MCTP2: variants seen among roughly 807,000 people sequenced by gnomAD.
MCTP2 encodes multiple C2 and transmembrane domain-containing protein 2.
A neutral mutation model predicts 111.6 loss-of-function variants in MCTP2; 132 were observed. That is an observed-to-expected ratio of 1.18 (90% CI 1.03 to 1.37). The LOEUF (loss-of-function observed/expected upper bound fraction) is 1.37, where lower values mean the gene tolerates loss of function less well. Ranked by LOEUF, MCTP2 falls within the 40% of genes most tolerant of loss-of-function variation. MCTP2 has a pLI of 0.00. For missense variants in MCTP2, 1,183 were observed against 1,067.9 expected, an observed-to-expected ratio of 1.11 and a Z score of -1.50; for synonymous variants, 395 against 387.7, an observed-to-expected ratio of 1.02 and a Z score of -0.22.
At chr15:94,356,561 T>G (rs2078637503) in intron 9 of MCTP2, among the ~76,000 whole-genome samples, 1 of 152,186 alleles carries the variant, frequency 6.6e-6, no homozygotes, top group Non-Finnish European at 1.5e-5. Flanking sequence ...GTCTGACTTA[T>G]TTTCAATTTG....
chr15:94,328,336 G>A (rs1055180337), intron 4 of MCTP2, among the ~76,000 whole-genome samples: 6 of 151,858 alleles, frequency 4.0e-5, no homozygotes, highest in Non-Finnish European at 5.9e-5. Context: ...CACTGTGTTA[G>A]CCAGGATGGT....
chr15:94,419,112 A>C (rs1218448838), intron 17 of MCTP2, among the ~76,000 whole-genome samples: 2 of 152,150 alleles, frequency 1.3e-5, no homozygotes, highest in Non-Finnish European at 2.9e-5. Context: ...AAAAGCGAGA[A>C]ACATATAATC....
At chr15:94,245,276 G>GTATATATACATATGTATGTA (rs1274633755) in intron 1 of MCTP2, among the ~76,000 whole-genome samples, 28 of 129,948 alleles carry the variant, frequency 2.2e-4, no homozygotes, top group Admixed American at 1.0e-3. Context: ...GTGTATATAC[G>GTATATATACATATGTATGTA]TATATACACA....
intron 18 of MCTP2, among the ~76,000 whole-genome samples, chr15:94,440,655 G>A (rs1400113620): frequency 6.6e-6 from 1 of 152,170 alleles, no homozygotes; most frequent in African/African-American, 2.4e-5. Context: ...CCATTGCTGG[G>A]CATGCAGAGA....
intron 21 of MCTP2, among the ~76,000 whole-genome samples, chr15:94,473,282 A>G (rs1030998115): frequency 1.3e-5 from 2 of 152,180 alleles, no homozygotes; most frequent in African/African-American, 4.8e-5. Flanking sequence ...GTGCAGCCAC[A>G]TTTATGTAAG....
intron 4 of MCTP2, among the ~76,000 whole-genome samples, chr15:94,332,508 T>C (rs1251034222): frequency 6.6e-6 from 1 of 152,248 alleles, no homozygotes; most frequent in Non-Finnish European, 1.5e-5. Context: ...ATTGGGGTTT[T>C]ATATATGTAG....
At chr15:94,408,786 A>G (rs1172317905) in intron 17 of MCTP2, among the ~76,000 whole-genome samples, 2 of 152,240 alleles carry the variant, frequency 1.3e-5, no homozygotes, top group African/African-American at 2.4e-5. Flanking sequence ...CTTTTGGAGC[A>G]TTCCAATTTT....
At chr15:94,241,657 T>TA (rs962743049) in intron 1 of MCTP2, among the ~76,000 whole-genome samples, 2 of 151,874 alleles carry the variant, frequency 1.3e-5, no homozygotes, top group African/African-American at 4.8e-5. Flanking sequence ...GATATATATA[T>TA]TTTTTTTCTG....
chr15:94,390,063 T>TAC (rs2080796834), intron 14 of MCTP2, among the ~76,000 whole-genome samples: 9 of 9,304 alleles, frequency 9.7e-4, no homozygotes, highest in South Asian at 4.5e-3. Context: ...TATATATATA[T>TAC]ATATATATAT....
At chr15:94,293,761 C>T (rs1032866327) in intron 1 of MCTP2, among the ~76,000 whole-genome samples, 4 of 152,122 alleles carry the variant, frequency 2.6e-5, no homozygotes, top group Admixed American at 6.5e-5. Context: ...TAATTGTTGG[C>T]GGGAATGCAA....
At chr15:94,390,058 A>ACGTG (rs1397178018) in intron 14 of MCTP2, among the ~76,000 whole-genome samples, 18 of 22,904 alleles carry the variant, frequency 7.9e-4, no homozygotes, top group Non-Finnish European at 1.5e-3. Flanking sequence ...GCATATATAT[A>ACGTG]TATATATATA....
At chr15:94,245,229 T>C (rs1355193261) in intron 1 of MCTP2, among the ~76,000 whole-genome samples, 3 of 143,870 alleles carry the variant, frequency 2.1e-5, no homozygotes, top group Non-Finnish European at 4.6e-5. Context: ...TATATATACA[T>C]ATGTATGTAT....
chr15:94,347,443 A>G (rs1019935948), intron 8 of MCTP2, among the ~76,000 whole-genome samples: 1 of 152,224 alleles, frequency 6.6e-6, no homozygotes, highest in Admixed American at 6.5e-5. Flanking sequence ...TAATAACTTT[A>G]TTCAGATAAT....
In MCTP2 at chr15:94,353,032, T is replaced by C. The variant is rs1248879517; in HGVS notation, c.1006-3105T>C. On this transcript the variant is annotated intron_variant, in intron 8 of 22. Coordinates refer to ENST00000357742, the MANE Select transcript of MCTP2 (RefSeq NM_001385001.1). Reference sequence around the variant, plus strand: ...GCAGAAATATTTGGGGTATAATAAGTAGAATAAAGGTCTTGTGTTCTTTTC... The same window carrying C: ...GCAGAAATATTTGGGGTATAATAAGCAGAATAAAGGTCTTGTGTTCTTTTC... 3.9e-5 allele frequency among the ~76,000 whole-genome samples: 6 copies of C among 152,286 alleles called. No individual in the cohort carries two copies. In the South Asian group the frequency reaches 6.2e-4, roughly 16 times the overall value.
intron 17 of MCTP2, chr15:94,403,198 C>G (rs931113365): frequency 1.0e-6 from 1 of 984,918 alleles, no homozygotes; most frequent in African/African-American, 1.8e-5. Flanking sequence ...TATACTTTTT[C>G]TGCTGTCTGA....
rs1390420077 is a variant in MCTP2 at position 94,367,594 on chromosome 15, A to G, written c.1302-11A>G. The stretch of plus-strand genomic sequence containing the variant: ...CACTTTTCTCTCTCTTGATTCCTGA[A>G]ACTTTTCTAGGTGTAAAGTGGATAT... On this transcript the variant is annotated splice_polypyrimidine_tract_variant and intron_variant, in intron 10 of 22. Transcript: ENST00000357742. The G allele has an allele frequency of 5.6e-6, 9 of 1,601,334 alleles. No individual in the cohort carries two copies. The Admixed American group carries it at 1.6e-4, about 28-fold the overall frequency.
intron 17 of MCTP2, among the ~76,000 whole-genome samples, chr15:94,431,801 A>C (rs550596789): frequency 2.0e-5 from 3 of 152,150 alleles, no homozygotes; most frequent in Non-Finnish European, 4.4e-5. Flanking sequence ...ATTATGCCCT[A>C]TACAATAGGA....
At chr15:94,354,387 T>C (rs944068335) in intron 8 of MCTP2, among the ~76,000 whole-genome samples, 4 of 152,208 alleles carry the variant, frequency 2.6e-5, no homozygotes, top group Non-Finnish European at 4.4e-5. Flanking sequence ...AACTGAATTA[T>C]GGGGGTGGTT....
chr15:94,243,750 C>G lies in MCTP2; in HGVS notation c.-66+12086C>G, dbSNP rs565701344. Among the ~76,000 whole-genome samples the G allele has an allele frequency of 3.9e-3, 563 of 144,030 alleles. 1 individual carries two copies. Among genetic ancestry groups the G allele is most frequent in the African/African-American group, 0.014 (542 of 38,328 alleles). 94.5% of individuals were successfully genotyped at this position (144,030 alleles called of 152,430 possible). On this transcript the variant is annotated intron_variant, in intron 1 of 22. Transcript: ENST00000357742. ...ACATATGTGTATACATATATGTATA[C>G]ACATGCATATGTGTATATATTTATG...
Sources: gnomAD v4.1 joint callset for allele counts (sites outside exome capture counted in the v4.1 genomes callset) on GRCh38, gnomAD v4.1.1 for gene constraint, MANE v1.5 for transcripts, NCBI Gene and HGNC (gene_info 2026-07-23, HGNC 2026-07-21) for gene names.